C22orf31: variants seen among roughly 807,000 people sequenced by gnomAD.
C22orf31 encodes the protein uncharacterized protein C22orf31.
In C22orf31, 11 loss-of-function variants were observed where a neutral mutation model predicts 15.0. The observed-to-expected ratio is 0.73, with a 90% CI of 0.46 to 1.21. The LOEUF (loss-of-function observed/expected upper bound fraction) is 1.21, where lower values mean the gene tolerates loss of function less well. Among genes scored for constraint, C22orf31 ranks in the 50% most tolerant of loss-of-function variants. The probability of loss-of-function intolerance (pLI) is 0.00; values close to 1 mark genes in which losing one functional copy is unlikely to be tolerated. For missense variants in C22orf31, 340 were observed against 347.2 expected (o/e 0.98, Z 0.17); for synonymous variants, 132 against 133.3 (o/e 0.99, Z 0.07).
chr22:29,060,427 T>TC lies in C22orf31; in HGVS notation c.419dup (p.Gly141ArgfsTer6), dbSNP rs2037377783. On this transcript the variant is annotated frameshift_variant, in exon 2 of 3. Coordinates refer to ENST00000216071, the MANE Select transcript of C22orf31 (RefSeq NM_015370.2). LOFTEE classifies it low-confidence loss of function (END_TRUNC). ...GGTCCTCGTCTACCTCTCTGATGCC[T>TC]CCTGCAGGCCTCCTATGCCCTGCTG... 9 of 1,612,354 alleles carry TC rather than the reference T, an allele frequency of 5.6e-6. No homozygotes were observed. Among genetic ancestry groups the TC allele is most frequent in the Non-Finnish European group, 7.6e-6 (9 of 1,179,564 alleles).
chr22:29,059,916 C>T, intron 2 of C22orf31: 1 of 985,120 alleles, frequency 1.0e-6, no homozygotes, highest in Non-Finnish European at 1.2e-6. Context: ...TAGCATGACC[C>T]CAAAATCTGG....
At chr22:29,070,538 G>A in the C22orf31 span, among the ~76,000 whole-genome samples, 36 of 152,234 alleles carry the variant, frequency 2.4e-4, no homozygotes, top group Non-Finnish European at 4.6e-4. Flanking sequence ...AAAGAACCTT[G>A]TGAACTGGAG....
the C22orf31 span, among the ~76,000 whole-genome samples, chr22:29,070,931 C>T: frequency 1.3e-5 from 2 of 152,098 alleles, no homozygotes; most frequent in East Asian, 1.9e-4. Flanking sequence ...GCATGTTCCT[C>T]GCTGAATATT....
At chr22:29,066,772 G>T (rs774159741), upstream of C22orf31, among the ~76,000 whole-genome samples, 10 of 151,796 alleles carry the variant, frequency 6.6e-5, no homozygotes, top group Non-Finnish European at 1.2e-4. Flanking sequence ...TGTCAGCCAG[G>T]CTGGTCTTGG....
rs1392837504 is a variant in C22orf31 at position 29,060,489 on chromosome 22, T to C, written c.358A>G (p.Arg120Gly). 1.9e-6 allele frequency: 3 copies of C among 1,614,130 alleles called. No individual in the cohort carries two copies. The highest frequency in any genetic ancestry group is 2.7e-5 in the African/African-American group (2 of 75,030). Residue 120 changes from arginine (R) to glycine (G), a missense_variant, in exon 2 of 3, where the codon AGG (arginine) becomes GGG (glycine). Coordinates refer to ENST00000216071, the MANE Select transcript of C22orf31 (RefSeq NM_015370.2). ...TTGGAACTGATGAAGTTTCTTTTCC[T>C]GGCCTGCTGGGTGGCTTTCATCACT... Reference protein sequence around the residue: ...DSVMKATQQARKRNFISSKSK... With the variant: ...DSVMKATQQAGKRNFISSKSK...
the C22orf31 span, among the ~76,000 whole-genome samples, chr22:29,070,476 A>G: frequency 2.6e-5 from 4 of 152,108 alleles, no homozygotes; most frequent in South Asian, 2.1e-4. Context: ...TTTGTTTCCA[A>G]CCTCCTGGGT....
At chr22:29,068,743 G>A in the C22orf31 span, among the ~76,000 whole-genome samples, 3 of 147,586 alleles carry the variant, frequency 2.0e-5, no homozygotes, top group Non-Finnish European at 4.4e-5. Flanking sequence ...AGACAAGGAG[G>A]TGGCTCAACC....
At chr22:29,065,365 G>C (rs558700042), upstream of C22orf31, among the ~76,000 whole-genome samples, 7 of 152,130 alleles carry the variant, frequency 4.6e-5, no homozygotes, top group East Asian at 1.2e-3. Context: ...CTTGAATCCA[G>C]GAGTTCAAGA....
the C22orf31 span, among the ~76,000 whole-genome samples, chr22:29,068,661 C>T: frequency 2.0e-5 from 3 of 152,096 alleles, no homozygotes; most frequent in South Asian, 6.2e-4. Flanking sequence ...CTGCCCACCT[C>T]GGCCTCCCAA....
the C22orf31 span, among the ~76,000 whole-genome samples, chr22:29,072,776 C>T: frequency 7.7e-4 from 118 of 152,262 alleles, no homozygotes; most frequent in African/African-American, 2.7e-3. Context: ...CGAGGCCCCG[C>T]CCCTCACCTG....
chr22:29,063,029 G>A (rs2037406414), upstream of C22orf31, among the ~76,000 whole-genome samples: 1 of 151,998 alleles, frequency 6.6e-6, no homozygotes, highest in Admixed American at 6.6e-5. Flanking sequence ...AGGGACAGGA[G>A]GGAAATGTCA....
At chr22:29,073,045 C>G in the C22orf31 span, 1,742 of 236,788 alleles carry the variant, frequency 7.4e-3, 27 homozygotes, top group African/African-American at 0.039. This position sits in a 1 kb window ranked among gnomAD's most constrained non-coding sequence, Gnocchi z 4.4. Flanking sequence ...ACTCGGGCCC[C>G]GCGTCCTGCT....
chr22:29,061,937 A>G (rs1177839179), upstream of C22orf31: 2 of 630,382 alleles, frequency 3.2e-6, no homozygotes, highest in East Asian at 5.7e-5. Context: ...TTAGTCACAT[A>G]TGGGCAAATT....
chr22:29,064,595 C>T (rs1175227115), upstream of C22orf31, among the ~76,000 whole-genome samples: 2 of 150,568 alleles, frequency 1.3e-5, no homozygotes, highest in Non-Finnish European at 2.9e-5. Flanking sequence ...CTCATGAGAG[C>T]CTCGACCTCC....
chr22:29,060,021 C>CTTTTTTTTT (rs60208241), intron 2 of C22orf31: 311 of 541,618 alleles, frequency 5.7e-4, no homozygotes, highest in Admixed American at 2.4e-3. Context: ...TTTTTCTTTT[C>CTTTTTTTTT]TTTTTTTTTT....
chr22:29,071,747 G>A, the C22orf31 span, among the ~76,000 whole-genome samples: 1 of 152,160 alleles, frequency 6.6e-6, no homozygotes, highest in Non-Finnish European at 1.5e-5. Context: ...GTGCGGCAGG[G>A]GAAGACCTTG....
chr22:29,059,256 T>C, intron 2 of C22orf31, 74 bp from the exon 3 acceptor site: 2 of 1,151,074 alleles, frequency 1.7e-6, no homozygotes, highest in South Asian at 3.0e-5. Context: ...CTGGGATTTG[T>C]GTCCCAGAGT....
chr22:29,073,926 G>A, the C22orf31 span, among the ~76,000 whole-genome samples: 1 of 151,864 alleles, frequency 6.6e-6, no homozygotes, highest in Admixed American at 6.6e-5. This position sits in a 1 kb window ranked among gnomAD's most constrained non-coding sequence, Gnocchi z 4.4. Context: ...GCCCCTCTCC[G>A]AGACCTCCAG....
upstream of C22orf31, among the ~76,000 whole-genome samples, chr22:29,064,495 A>G (rs527669988): frequency 6.6e-6 from 1 of 152,078 alleles, no homozygotes; most frequent in East Asian, 1.9e-4. Flanking sequence ...TAAGCACTCA[A>G]TGAATATTTG....
Sources: allele counts gnomAD v4.1 joint callset (sites outside exome capture counted in the v4.1 genomes callset), GRCh38; gene constraint gnomAD v4.1.1; non-coding constraint Gnocchi (gnomAD v3.1); transcripts MANE v1.5; gene names NCBI Gene and HGNC (gene_info 2026-07-23, HGNC 2026-07-21).